The following SLC38A6 variants were observed in gnomAD, a reference collection of about 807,000 sequenced individuals.
The protein encoded by SLC38A6 is solute carrier family 38 member 6.
Under a neutral mutation model 65.0 loss-of-function variants are expected in SLC38A6, and 73 were observed. The ratio of observed to expected loss-of-function variants is 1.12; its 90% CI spans 0.93 to 1.37. SLC38A6 has a LOEUF of 1.37. Among genes scored for constraint, SLC38A6 ranks in the 40% most tolerant of loss-of-function variants. The pLI is 0.00. For synonymous variants in SLC38A6, 183 were observed against 178.8 expected, an observed-to-expected ratio of 1.02 and a Z score of -0.19; for missense variants, 561 against 531.1, an observed-to-expected ratio of 1.06 and a Z score of -0.55.
chr14:61,046,134 A>G lies in SLC38A6; in HGVS notation c.892A>G (p.Ile298Val). Residue 298 changes from isoleucine (I) to valine (V), a missense_variant, in exon 12 of 16, where the codon ATA (isoleucine) becomes GTA (valine). By Grantham distance (29) the Ile-to-Val change is conservative (BLOSUM62 3). Transcript: ENST00000267488. ...AIALSFLIYF[I>V]SALFGYLTFY... Reference sequence around the variant, plus strand: ...TGCTTTAAGTTTTCTCATTTATTTTATATCTGCACTCTTTGGGTACCTCAC... The same window carrying G: ...TGCTTTAAGTTTTCTCATTTATTTTGTATCTGCACTCTTTGGGTACCTCAC... 1.2e-6 allele frequency: 2 copies of G among 1,609,408 alleles called. No individual in the cohort carries two copies. The highest frequency in any genetic ancestry group is 1.7e-6 in the Non-Finnish European group (2 of 1,176,488).
chr14:61,017,927 A>G (rs917822566), intron 4 of SLC38A6, among the ~76,000 whole-genome samples: 1 of 152,236 alleles, frequency 6.6e-6, no homozygotes, highest in Non-Finnish European at 1.5e-5. Context: ...AATATGGGAT[A>G]ATATTATGAT....
At chr14:61,046,041 C>G in intron 11 of SLC38A6, 26 bp from the exon 12 acceptor site, 1 of 1,408,836 alleles carries the variant, frequency 7.1e-7, no homozygotes, top group Non-Finnish European at 1.0e-6. Flanking sequence ...ATCACTTATT[C>G]TACCTTTGTC....
At chr14:60,984,618 A>C in intron 2 of SLC38A6, 112 bp from the exon 3 acceptor site, 24 of 792,168 alleles carry the variant, frequency 3.0e-5, no homozygotes, top group Non-Finnish European at 4.2e-5. Context: ...TCTGCTACTC[A>C]GAGATAGTTC....
chr14:60,981,249 A>G lies in SLC38A6; in HGVS notation c.-29A>G, dbSNP rs761550957. ...GCAGGGCAGGGGTAGAGGCTCGTAG[A>G]TGGAACTGGTAGTCAGCTGGAGAGC... On this transcript the variant is annotated 5_prime_UTR_variant, in exon 1 of 16. The change abolishes an upstream ATG in the 5' untranslated region. Transcript: ENST00000267488. 2.0e-5 allele frequency: 31 copies of G among 1,575,126 alleles called. No individual in the cohort carries two copies. Among genetic ancestry groups the G allele is most frequent in the Non-Finnish European group, 2.4e-5 (28 of 1,160,220 alleles).
chr14:61,035,601 T>A (rs2041302571), intron 6 of SLC38A6, among the ~76,000 whole-genome samples: 1 of 152,176 alleles, frequency 6.6e-6, no homozygotes, highest in Non-Finnish European at 1.5e-5. Flanking sequence ...GAGATAGTAC[T>A]AATTGGCACG....
intron 15 of SLC38A6, among the ~76,000 whole-genome samples, chr14:61,062,937 C>G (rs547707807): frequency 6.6e-6 from 1 of 152,316 alleles, no homozygotes; most frequent in East Asian, 1.9e-4. Flanking sequence ...CCTCAGCCTC[C>G]CAAAGTGCTG....
rs924362394 is a variant in SLC38A6, at chr14:61,046,253, TATTACTAAGTTA to T, written c.925+90_925+101del. On this transcript the variant is annotated intron_variant, in intron 12 of 15. Coordinates refer to ENST00000267488, the MANE Select transcript of SLC38A6 (RefSeq NM_153811.3). Reference sequence around the variant, plus strand: ...ATCTATAGACTTTACCTATGCCTTTTATTACTAAGTTAATTTGCTCAGATCACCAAATTACAA... The same window carrying T: ...ATCTATAGACTTTACCTATGCCTTTTATTTGCTCAGATCACCAAATTACAA... The T allele has an allele frequency of 4.8e-6, 4 of 825,592 alleles. No homozygotes were observed. In the Admixed American group the frequency reaches 1.0e-4, roughly 21 times the overall value. 51.1% of individuals were successfully genotyped at this position (825,592 alleles called of 1,614,324 possible). A position where few individuals can be genotyped will look rare whatever the true frequency, so the allele number is the denominator to read the frequency against.
rs143973788 is a variant in SLC38A6 at position 61,016,139 on chromosome 14, A to G, written c.363+183A>G. ...GAGAAGTCTTTGTGTCCTTCCTAAA[A>G]ATGCATCAATACATTTAATTCAATG... On this transcript the variant is annotated intron_variant, in intron 4 of 15. Coordinates refer to ENST00000267488, the MANE Select transcript of SLC38A6 (RefSeq NM_153811.3). 5.0e-3 allele frequency among the ~76,000 whole-genome samples: 769 copies of G among 152,320 alleles called. 12 individuals are homozygous for G. Among genetic ancestry groups the G allele is most frequent in the African/African-American group, 0.017 (720 of 41,566 alleles).
intron 15 of SLC38A6, among the ~76,000 whole-genome samples, chr14:61,065,524 T>G (rs929107346): frequency 6.6e-6 from 1 of 152,216 alleles, no homozygotes; most frequent in Admixed American, 6.5e-5. Context: ...AGCATCTACC[T>G]TTAAGAACTT....
In SLC38A6 at chr14:61,051,855, C is replaced by G. The variant is rs765154814; in HGVS notation, c.1119C>G (p.Ile373Met). 2.7e-5 allele frequency: 44 copies of G among 1,611,264 alleles called. No homozygotes were observed. Among genetic ancestry groups the G allele is most frequent in the Admixed American group, 2.0e-4 (12 of 59,572 alleles). ...FPFSWIRHFL[I>M]TLALNIIIVL... ...TCTCATGGATTCGCCATTTTTTGAT[C>G]ACTCTAGCACTCAATATTATCATCG... Residue 373 changes from isoleucine to methionine, a missense_variant, in exon 14 of 16, where the codon ATC (isoleucine) becomes ATG (methionine). Transcript: ENST00000267488.
intron 15 of SLC38A6, among the ~76,000 whole-genome samples, chr14:61,066,542 G>A (rs974491786): frequency 3.3e-5 from 5 of 152,032 alleles, no homozygotes; most frequent in Non-Finnish European, 5.9e-5. Context: ...ACAGATGGAT[G>A]AAAAGACATT....
chr14:60,998,198 C>CA (rs2038427264), intron 3 of SLC38A6, among the ~76,000 whole-genome samples: 1 of 151,726 alleles, frequency 6.6e-6, no homozygotes, highest in African/African-American at 2.4e-5. Context: ...CAAAGGCCCC[C>CA]ACCCCCCAAG....
At chr14:61,026,759 G>C (rs981505375) in intron 5 of SLC38A6, among the ~76,000 whole-genome samples, 5 of 151,554 alleles carry the variant, frequency 3.3e-5, no homozygotes, top group Non-Finnish European at 7.4e-5. Flanking sequence ...ACTAGCTTGG[G>C]CAAGTTACTT....
chr14:61,083,414 C>G (rs1644463317), intron 16 of SLC38A6: 4 of 1,303,168 alleles, frequency 3.1e-6, no homozygotes, highest in Non-Finnish European at 4.1e-6. Flanking sequence ...TGTTCCAACC[C>G]CAAATTCGTA....
intron 4 of SLC38A6, among the ~76,000 whole-genome samples, chr14:61,017,500 G>A (rs1431626259): frequency 1.3e-5 from 2 of 152,130 alleles, no homozygotes; most frequent in Non-Finnish European, 2.9e-5. Flanking sequence ...CTGTTCTAGA[G>A]GATTAGGATG....
At chr14:60,990,718 G>T (rs1307869803) in intron 3 of SLC38A6, among the ~76,000 whole-genome samples, 9 of 151,664 alleles carry the variant, frequency 5.9e-5, no homozygotes, top group Admixed American at 5.9e-4. Context: ...CTGCAGCCTC[G>T]ACCTCCTGCC....
chr14:60,987,810 A>G (rs901789795), intron 3 of SLC38A6, among the ~76,000 whole-genome samples: 4 of 152,200 alleles, frequency 2.6e-5, no homozygotes, highest in Non-Finnish European at 5.9e-5. Flanking sequence ...AGAACTCTGC[A>G]TACCTCTGGC....
chr14:61,066,816 C>G (rs2043033183), intron 15 of SLC38A6, among the ~76,000 whole-genome samples: 1 of 152,004 alleles, frequency 6.6e-6, no homozygotes, highest in South Asian at 2.1e-4. Context: ...GCAGTTGAAA[C>G]CCATGTTGTT....
chr14:61,004,437 G>A (rs966824816), intron 3 of SLC38A6: 1 of 152,012 alleles, frequency 6.6e-6, no homozygotes, highest in African/African-American at 2.4e-5. Context: ...TGGAAGGAAA[G>A]CTTTCTTAAG....
Sources: allele counts gnomAD v4.1 joint callset (sites outside exome capture counted in the v4.1 genomes callset), GRCh38; gene constraint gnomAD v4.1.1; transcripts MANE v1.5; gene names NCBI Gene and HGNC (gene_info 2026-07-23, HGNC 2026-07-21).